The following CTNNA1 variants were observed in gnomAD, a reference collection of about 807,000 sequenced individuals.
CTNNA1 encodes catenin alpha-1.
In CTNNA1, 37 loss-of-function variants were observed where a neutral mutation model predicts 98.4. The observed-to-expected ratio is 0.38, with a 90% CI of 0.29 to 0.49. The LOEUF (loss-of-function observed/expected upper bound fraction) is 0.49. Among genes scored for constraint, CTNNA1 ranks in the 20% least tolerant of loss-of-function variants. The pLI, the probability that CTNNA1 is intolerant of heterozygous loss-of-function variation, is 0.95. For synonymous variants in CTNNA1, 404 were observed against 413.2 expected (o/e 0.98, Z 0.27); for missense variants, 761 against 1,147.2 (o/e 0.66, Z 4.86).
At position 138,819,065 on chromosome 5, in the gene CTNNA1, C is replaced by T. The variant is rs569426635; in HGVS notation, c.589-5465C>T. Among the ~76,000 whole-genome samples, 336 of 77,066 alleles carry T rather than the reference C, an allele frequency of 4.4e-3. 1 individual carries two copies. The highest frequency in any genetic ancestry group is 0.013 in the African/African-American group (310 of 24,024). 50.6% of individuals were successfully genotyped at this position (77,066 alleles called of 152,430 possible). ...CTTAGGGGGCAGGGCACAGCATTGG[C>T]GTGATTGGGAAGAAGGGGTGCTCTG... is the stretch of plus-strand genomic sequence containing the variant. On this transcript the variant is annotated intron_variant, in intron 5 of 17. Coordinates refer to ENST00000302763, the MANE Select transcript of CTNNA1 (RefSeq NM_001903.5).
chr5:138,844,285 C>T (rs1481370189), intron 7 of CTNNA1, among the ~76,000 whole-genome samples: 2 of 152,100 alleles, frequency 1.3e-5, no homozygotes, highest in South Asian at 2.1e-4. Flanking sequence ...CACAAGCCAC[C>T]GCACCTGGCC....
chr5:138,834,333 CTT>C (rs1432878151), intron 7 of CTNNA1, among the ~76,000 whole-genome samples: 1 of 152,162 alleles, frequency 6.6e-6, no homozygotes, highest in Non-Finnish European at 1.5e-5. Context: ...ACATTCCAGA[CTT>C]AATTCGGATC....
chr5:138,824,745 AC>A lies in CTNNA1; in HGVS notation c.805del (p.Gln269SerfsTer26). On this transcript the variant is annotated frameshift_variant, in exon 6 of 18. Coordinates refer to ENST00000302763, the MANE Select transcript of CTNNA1 (RefSeq NM_001903.5). LOFTEE classifies it high-confidence loss of function. ...AGGCCACTGCCTCAGACGATGCCTC[AC>A]AGCACCAGGGTGGAGGAGGAGGAGA... ...AQATASDDAS[Q>X]HQGGGGGELA... The A allele has an allele frequency of 6.2e-7, 1 of 1,614,182 alleles. No homozygotes were observed. Among genetic ancestry groups the A allele is most frequent in the Non-Finnish European group, 8.5e-7 (1 of 1,180,020 alleles).
chr5:138,755,336 A>T (rs895093075), intron 1 of CTNNA1, among the ~76,000 whole-genome samples: 15 of 152,278 alleles, frequency 9.9e-5, no homozygotes, highest in Middle Eastern at 6.8e-3. Context: ...ACATGAGTCG[A>T]GTTTTTTTTA....
At chr5:138,789,190 C>T (rs757664644) in intron 3 of CTNNA1, among the ~76,000 whole-genome samples, 1,812 of 14,810 alleles carry the variant, frequency 0.12, 17 homozygotes, top group East Asian at 0.37. Flanking sequence ...CCTGTTTTTC[C>T]CCCCCCCCAG....
At chr5:138,895,746 T>C (rs1756652603) in intron 9 of CTNNA1, among the ~76,000 whole-genome samples, 1 of 152,204 alleles carries the variant, frequency 6.6e-6, no homozygotes, top group South Asian at 2.1e-4. Flanking sequence ...TTTTTTACAA[T>C]GTAGTAGAAA....
intron 10 of CTNNA1, among the ~76,000 whole-genome samples, chr5:138,907,555 T>C (rs1759538267): frequency 6.6e-6 from 1 of 152,170 alleles, no homozygotes; most frequent in African/African-American, 2.4e-5. Flanking sequence ...TGGAGACCTC[T>C]GCCTCCTCTC....
At chr5:138,879,991 C>G (rs1752541857) in intron 7 of CTNNA1, among the ~76,000 whole-genome samples, 1 of 152,092 alleles carries the variant, frequency 6.6e-6, no homozygotes, top group Non-Finnish European at 1.5e-5. Context: ...GTATTTTGTG[C>G]CCAGGGCTAG....
chr5:138,923,248 TTAG>T (rs1561751875), intron 11 of CTNNA1, among the ~76,000 whole-genome samples: 1 of 152,226 alleles, frequency 6.6e-6, no homozygotes, highest in Non-Finnish European at 1.5e-5. Flanking sequence ...GCTTGAATTA[TTAG>T]AGTTTATATA....
At chr5:138,775,015 G>A (rs1269406438) in intron 1 of CTNNA1, among the ~76,000 whole-genome samples, 1 of 152,214 alleles carries the variant, frequency 6.6e-6, no homozygotes, top group Non-Finnish European at 1.5e-5. Flanking sequence ...AGAAAAAAAT[G>A]AAAGTCTTTT....
chr5:138,802,953 A>G lies in CTNNA1; in HGVS notation c.302-7085A>G, dbSNP rs150715253. On this transcript the variant is annotated intron_variant, in intron 3 of 17. Coordinates refer to ENST00000302763, the MANE Select transcript of CTNNA1 (RefSeq NM_001903.5). ...GCTGGGATTACAGGCATGCACCGCCACACTTAGCTAATTAATTTTTTTTTT... is the reference window on the plus strand; with the variant it reads ...GCTGGGATTACAGGCATGCACCGCCGCACTTAGCTAATTAATTTTTTTTTT... Among the ~76,000 whole-genome samples the G allele has an allele frequency of 4.1e-3, 533 of 131,306 alleles. 4 individuals carry two copies. Among genetic ancestry groups the G allele is most frequent in the African/African-American group, 0.013 (470 of 35,548 alleles). The allele number at this position is 131,306 out of a possible 152,430, so 86.1% of individuals were successfully genotyped here.
chr5:138,779,648 A>G (rs753519653), intron 1 of CTNNA1, among the ~76,000 whole-genome samples: 8 of 151,996 alleles, frequency 5.3e-5, no homozygotes, highest in East Asian at 3.9e-4. Flanking sequence ...TATCACAGGC[A>G]TGAACCACCA....
At chr5:138,832,264 G>A (rs1273135775) in intron 7 of CTNNA1, among the ~76,000 whole-genome samples, 1 of 152,116 alleles carries the variant, frequency 6.6e-6, no homozygotes, top group Non-Finnish European at 1.5e-5. Context: ...CGGACTCTAA[G>A]GAAATATTGA....
At chr5:138,766,429 T>G (rs1375067791) in intron 1 of CTNNA1, among the ~76,000 whole-genome samples, 1 of 143,488 alleles carries the variant, frequency 7.0e-6, no homozygotes, top group South Asian at 2.2e-4. Context: ...CTGTATGTGG[T>G]GGGGAAGCAA....
chr5:138,830,981 G>A (rs1318630186), intron 7 of CTNNA1, among the ~76,000 whole-genome samples: 1 of 152,136 alleles, frequency 6.6e-6, no homozygotes, highest in Non-Finnish European at 1.5e-5. Context: ...TTTTATTTCT[G>A]TTGAAAAATA....
chr5:138,878,922 A>G (rs1202602819), intron 7 of CTNNA1, among the ~76,000 whole-genome samples: 1 of 152,154 alleles, frequency 6.6e-6, no homozygotes, highest in Admixed American at 6.6e-5. Context: ...GCTTTTAAAA[A>G]AATGATAGCT....
chr5:138,922,157 A>G (rs1281135492), intron 11 of CTNNA1, among the ~76,000 whole-genome samples: 1 of 152,228 alleles, frequency 6.6e-6, no homozygotes, highest in Admixed American at 6.5e-5. Context: ...GCCAGTTGGC[A>G]TGGTTCCTGG....
chr5:138,838,413 TTC>T (rs1229327995), intron 7 of CTNNA1, among the ~76,000 whole-genome samples: 8 of 152,238 alleles, frequency 5.3e-5, no homozygotes, highest in East Asian at 1.9e-4. Context: ...TGTAGCAGTA[TTC>T]TCTGTTTCAT....
intron 7 of CTNNA1, among the ~76,000 whole-genome samples, chr5:138,836,350 A>G (rs1761771811): frequency 6.6e-6 from 1 of 152,202 alleles, no homozygotes; most frequent in Non-Finnish European, 1.5e-5. Flanking sequence ...CATGTTGTAG[A>G]GCAGCATTTA....
Sources: allele counts gnomAD v4.1 joint callset (sites outside exome capture counted in the v4.1 genomes callset), GRCh38; gene constraint gnomAD v4.1.1; transcripts MANE v1.5; gene names NCBI Gene and HGNC (gene_info 2026-07-23, HGNC 2026-07-21).